SLC13A3: variants seen among roughly 807,000 people sequenced by gnomAD.
SLC13A3 encodes the protein Na(+)/dicarboxylate cotransporter 3.
In SLC13A3, 40 loss-of-function variants were observed where a neutral mutation model predicts 59.0. The observed-to-expected ratio is 0.68, with a 90% CI of 0.53 to 0.88. SLC13A3 has a LOEUF of 0.88. SLC13A3 is among the 40% of genes least tolerant of loss of function. The pLI, the probability that SLC13A3 is intolerant of heterozygous loss-of-function variation, is 0.00. For missense variants in SLC13A3, 699 were observed against 783.2 expected (o/e 0.89, Z 1.28); for synonymous variants, 317 against 330.3 (o/e 0.96, Z 0.44).
At chr20:46,669,865 C>T (rs1310647488) in intron 1 of SLC13A3, among the ~76,000 whole-genome samples, 1 of 151,998 alleles carries the variant, frequency 6.6e-6, no homozygotes, top group African/African-American at 2.4e-5. Context: ...GTATTAAGTG[C>T]CTTTTAACTT....
At chr20:46,617,315 A>G (rs558122766) in intron 1 of SLC13A3, among the ~76,000 whole-genome samples, 1 of 152,298 alleles carries the variant, frequency 6.6e-6, no homozygotes, top group South Asian at 2.1e-4. Context: ...TAAATTTTTA[A>G]CAAGTAAATC....
intron 11 of SLC13A3, among the ~76,000 whole-genome samples, chr20:46,565,821 G>T (rs1160628804): frequency 1.3e-5 from 2 of 152,200 alleles, no homozygotes; most frequent in East Asian, 3.8e-4. Flanking sequence ...TACAGAGAAT[G>T]ATCCAGCCCC....
chr20:46,592,895 T>G (rs1600530363), intron 5 of SLC13A3, among the ~76,000 whole-genome samples: 1 of 152,178 alleles, frequency 6.6e-6, no homozygotes, highest in Non-Finnish European at 1.5e-5. Context: ...CATGCAAGAG[T>G]GCAGGGCCAG....
chr20:46,652,619 C>T (rs1385979081), upstream of SLC13A3, among the ~76,000 whole-genome samples: 1 of 148,460 alleles, frequency 6.7e-6, no homozygotes, highest in Non-Finnish European at 1.5e-5. Context: ...TGGTCTCGAA[C>T]TCCTGGCCTC....
upstream of SLC13A3, among the ~76,000 whole-genome samples, chr20:46,656,067 AC>A (rs1196891241): frequency 7.0e-6 from 1 of 143,766 alleles, no homozygotes; most frequent in African/African-American, 2.5e-5. Context: ...ACTACAGTAT[AC>A]TATATATACA....
rs746350037 is a variant in SLC13A3, at chr20:46,613,570, G to A, written c.267C>T (p.Thr89=). 10 of 1,613,948 alleles carry A rather than the reference G, an allele frequency of 6.2e-6. No homozygotes were observed. The Admixed American group carries it at 1.0e-4, about 16-fold the overall frequency. ...NKVCPQYFLD[T]NFLFLSGLIM... ...TCAGCCCACTGAGGAAGAGGAAGTTGGTGTCGAGGAAGTACTGGGGGCAGA... is the reference window on the plus strand; with the variant it reads ...TCAGCCCACTGAGGAAGAGGAAGTTAGTGTCGAGGAAGTACTGGGGGCAGA... The change falls in exon 2 of 13, where the codon ACC becomes ACT. Residue 89 remains threonine (T), a synonymous_variant. Coordinates refer to ENST00000279027, the MANE Select transcript of SLC13A3 (RefSeq NM_022829.6).
chr20:46,651,232 G>A lies in SLC13A3; in HGVS notation c.111+79C>T, dbSNP rs968727762. The A allele has an allele frequency of 7.8e-6, 11 of 1,401,408 alleles. No individual in the cohort carries two copies. The African/African-American group carries it at 9.1e-5, about 12-fold the overall frequency. 86.8% of individuals were successfully genotyped at this position (1,401,408 alleles called of 1,614,324 possible). A position where few individuals can be genotyped will look rare whatever the true frequency, so the allele number is the denominator to read the frequency against. ...AGCCTGTCTACACTGGGACCTCAGC[G>A]GTCTCCCAACTTGGAGGCTTGGGAG... On this transcript the variant is annotated intron_variant, in intron 1 of 12. Transcript: ENST00000279027.
chr20:46,674,364 G>A (rs1191290629), upstream of SLC13A3, among the ~76,000 whole-genome samples: 3 of 152,200 alleles, frequency 2.0e-5, no homozygotes, highest in African/African-American at 4.8e-5. Context: ...TCACTATGGG[G>A]AAGGGGGCAG....
intron 1 of SLC13A3, among the ~76,000 whole-genome samples, chr20:46,660,161 T>A (rs1007938948): frequency 3.3e-5 from 5 of 152,208 alleles, no homozygotes; most frequent in Admixed American, 3.3e-4. Flanking sequence ...TTAAAAAGTA[T>A]TTCATATTTT....
intron 1 of SLC13A3, among the ~76,000 whole-genome samples, chr20:46,624,432 T>G (rs1193770593): frequency 6.6e-6 from 1 of 152,240 alleles, no homozygotes; most frequent in Non-Finnish European, 1.5e-5. Flanking sequence ...TAGCAGATAA[T>G]GCAACTGAAG....
intron 1 of SLC13A3, among the ~76,000 whole-genome samples, chr20:46,625,560 CA>C (rs1177531499): frequency 6.6e-6 from 1 of 152,196 alleles, no homozygotes; most frequent in Non-Finnish European, 1.5e-5. Flanking sequence ...GCCACCATCC[CA>C]ACCAAGATAT....
chr20:46,583,376 T>C (rs1041277956), intron 9 of SLC13A3, 196 bp downstream of exon 9: 4 of 1,346,636 alleles, frequency 3.0e-6, no homozygotes, highest in South Asian at 2.1e-5. Flanking sequence ...CTGAAGACTG[T>C]AGTTGCTAAC....
intron 1 of SLC13A3, among the ~76,000 whole-genome samples, chr20:46,614,583 T>A (rs2062536813): frequency 6.6e-6 from 1 of 152,186 alleles, no homozygotes; most frequent in African/African-American, 2.4e-5. Flanking sequence ...GCCCAACACA[T>A]AATGCATACT....
intron 4 of SLC13A3, 58 bp downstream of exon 4, chr20:46,599,913 G>C (rs537694605): frequency 4.9e-5 from 64 of 1,318,180 alleles, no homozygotes; most frequent in Non-Finnish European, 6.5e-5. Context: ...TTGAATTCTT[G>C]TTCATCATCT....
intron 1 of SLC13A3, among the ~76,000 whole-genome samples, chr20:46,664,383 G>T (rs980627393): frequency 9.2e-5 from 14 of 152,152 alleles, no homozygotes; most frequent in African/African-American, 3.4e-4. Flanking sequence ...TATGTTAGAT[G>T]CCTTGTCAAT....
chr20:46,569,775 G>A (rs1442919286), intron 10 of SLC13A3, among the ~76,000 whole-genome samples: 1 of 152,178 alleles, frequency 6.6e-6, no homozygotes, highest in Non-Finnish European at 1.5e-5. Flanking sequence ...GCAAAAATGG[G>A]AGGTGGGGAG....
At chr20:46,570,915 C>T (rs975514229) in intron 10 of SLC13A3, among the ~76,000 whole-genome samples, 2 of 152,170 alleles carry the variant, frequency 1.3e-5, no homozygotes, top group Non-Finnish European at 2.9e-5. Context: ...TCCATTCTCG[C>T]TCTGCTAATA....
chr20:46,646,485 T>C (rs190329072), intron 1 of SLC13A3, among the ~76,000 whole-genome samples: 2 of 152,324 alleles, frequency 1.3e-5, no homozygotes, highest in Admixed American at 1.3e-4. Flanking sequence ...TGAGCACCAC[T>C]CTGGACACCT....
intron 1 of SLC13A3, among the ~76,000 whole-genome samples, chr20:46,621,252 G>C (rs1297597392): frequency 6.7e-6 from 1 of 150,200 alleles, no homozygotes; most frequent in African/African-American, 2.5e-5. Context: ...ATCAAACAAG[G>C]ACAGTTTTGT....
Sources: allele counts gnomAD v4.1 joint callset (sites outside exome capture counted in the v4.1 genomes callset), GRCh38; gene constraint gnomAD v4.1.1; transcripts MANE v1.5; gene names NCBI Gene and HGNC (gene_info 2026-07-23, HGNC 2026-07-21).